The following TCTN1 variants were observed in gnomAD, a reference collection of about 807,000 sequenced individuals.
TCTN1 encodes tectonic-1.
In TCTN1, 58 loss-of-function variants were observed where a neutral mutation model predicts 65.8. The ratio of observed to expected loss-of-function variants is 0.88; its 90% CI spans 0.71 to 1.10. The LOEUF (loss-of-function observed/expected upper bound fraction) is 1.10, where lower values mean the gene tolerates loss of function less well. TCTN1 is among the 50% of genes least tolerant of loss of function. TCTN1 has a pLI of 0.00. For missense variants in TCTN1, 645 were observed against 719.4 expected, an observed-to-expected ratio of 0.90 and a Z score of 1.18; for synonymous variants, 273 against 289.1, an observed-to-expected ratio of 0.94 and a Z score of 0.57.
At chr12:110,643,229 A>C (rs954535709) in intron 11 of TCTN1, 1 of 152,084 alleles carries the variant, frequency 6.6e-6, no homozygotes, top group Admixed American at 6.6e-5. Context: ...AAGGTTGTTT[A>C]GCATTTGAGT....
intron 6 of TCTN1, chr12:110,636,112 C>A: frequency 4.4e-6 from 1 of 225,494 alleles, no homozygotes; most frequent in South Asian, 6.4e-5. Flanking sequence ...TGGTGGCCTT[C>A]CAGCAAGGAC....
chr12:110,619,655 C>G (rs758496759), intron 1 of TCTN1, among the ~76,000 whole-genome samples, 181 bp from the exon 2 acceptor site: 4 of 152,180 alleles, frequency 2.6e-5, no homozygotes, highest in Non-Finnish European at 5.9e-5. Context: ...TTTGGGGAAA[C>G]CTCTGATTGT....
In TCTN1 at chr12:110,645,003, G is replaced by T; in HGVS notation, c.1368G>T (p.Gln456His). The change falls in exon 12 of 15, where the codon CAG becomes CAT. Residue 456 changes from glutamine (Q) to histidine (H), a missense_variant. Coordinates refer to ENST00000397659, the MANE Select transcript of TCTN1 (RefSeq NM_001082538.3). ...CTCTCCCGTGTCAGCTCGTAGCACA[G>T]AAGGTGAAGAGCCTGCTGTGGGGCC... Reference protein sequence around the residue: ...TGALPCQLVAQKVKSLLWGQG... With the variant: ...TGALPCQLVAHKVKSLLWGQG... The T allele has an allele frequency of 6.2e-7, 1 of 1,614,256 alleles. No homozygotes were observed. Among genetic ancestry groups the T allele is most frequent in the Non-Finnish European group, 8.5e-7 (1 of 1,180,056 alleles).
chr12:110,641,054 G>C lies in TCTN1; in HGVS notation c.1009G>C (p.Gly337Arg), dbSNP rs2136130583. ...GTACAGCCTCACATACACAGATGCAGGTGAAGTCACCAAAGCTGATCTCTC... is the reference window on the plus strand; with the variant it reads ...GTACAGCCTCACATACACAGATGCACGTGAAGTCACCAAAGCTGATCTCTC... ...VKYSLTYTDA[G>R]EVTKADLSFV... Residue 337 changes from glycine (G) to arginine (R), a missense_variant, in exon 9 of 15, where the codon GGT becomes CGT. Physicochemically the swap from Gly to Arg is moderately radical, Grantham distance 125. Transcript: ENST00000397659. The C allele has an allele frequency of 1.2e-6, 2 of 1,614,238 alleles. No homozygotes were observed. The highest frequency in any genetic ancestry group is 3.3e-5 in the Admixed American group (2 of 60,030).
At chr12:110,626,181 T>TG in intron 2 of TCTN1, among the ~76,000 whole-genome samples, 181 bp from the exon 3 acceptor site, 1 of 151,338 alleles carries the variant, frequency 6.6e-6, no homozygotes, top group Non-Finnish European at 1.5e-5. Context: ...CTCTGCCTCC[T>TG]GGGTTCATGC....
intron 3 of TCTN1, chr12:110,628,138 TC>T (rs2065977683): frequency 6.5e-7 from 1 of 1,536,056 alleles, no homozygotes; most frequent in Non-Finnish European, 8.7e-7. Flanking sequence ...AGAGAGCTTC[TC>T]CTTACAGGTT....
Position 110,614,383 on chromosome 12 carries a change from G to A in TCTN1, c.201G>A (p.Arg67=). 2 of 1,601,618 alleles carry A rather than the reference G, an allele frequency of 1.2e-6. No homozygotes were observed. Among genetic ancestry groups the A allele is most frequent in the African/African-American group, 1.3e-5 (1 of 74,910 alleles). Residue 67 remains arginine (R), a synonymous_variant, in exon 1 of 15, where the codon AGG becomes AGA. Transcript: ENST00000397659. ...CTCCAGGGCCCTCCTCCGGCCCCAG[G>A]CCTACCCCAGTCACGGACGGTGGGT... The part of the protein sequence containing the change: ...PRAPGPSSGP[R]PTPVTDVAVL...
chr12:110,624,402 A>G (rs1392157471), intron 2 of TCTN1, among the ~76,000 whole-genome samples: 1 of 148,602 alleles, frequency 6.7e-6, no homozygotes, highest in East Asian at 2.0e-4. Context: ...TTTTTTGTAG[A>G]GATAGGGGTC....
At chr12:110,617,782 G>T (rs538352710) in intron 1 of TCTN1, among the ~76,000 whole-genome samples, 1 of 149,534 alleles carries the variant, frequency 6.7e-6, no homozygotes, top group Non-Finnish European at 1.5e-5. Context: ...CTGGGACTAC[G>T]GGTGTGTGCC....
intron 3 of TCTN1, chr12:110,628,225 G>T: frequency 6.5e-7 from 1 of 1,535,642 alleles, no homozygotes. Flanking sequence ...CTGTTTACTT[G>T]TAAGTGCTAC....
In TCTN1 at chr12:110,644,505, G is replaced by A. The variant is rs530099703; in HGVS notation, c.1332-462G>A. 93 of 227,370 alleles carry A rather than the reference G, an allele frequency of 4.1e-4. No individual in the cohort carries two copies. The highest frequency in any genetic ancestry group is 2.1e-3 in the African/African-American group (89 of 42,548). The allele number at this position is 227,370 out of a possible 1,614,324, so 14.1% of individuals were successfully genotyped here. A position where few individuals can be genotyped will look rare whatever the true frequency, so the allele number is the denominator to read the frequency against. On this transcript the variant is annotated intron_variant, in intron 11 of 14. Coordinates refer to ENST00000397659, the MANE Select transcript of TCTN1 (RefSeq NM_001082538.3). The surrounding 1 kb of genome is among the most constrained non-coding windows in gnomAD (Gnocchi z 4.6). ...AGCCTGGCCAACATGGTGAAACCCC[G>A]TCTCTACTAAAAATACAAAAAAATT... is the stretch of plus-strand genomic sequence containing the variant.
rs2066899906 is a variant in TCTN1, at chr12:110,640,723, A to C, written c.978+206A>C. On this transcript the variant is annotated intron_variant, in intron 8 of 14. Coordinates refer to ENST00000397659, the MANE Select transcript of TCTN1 (RefSeq NM_001082538.3). The surrounding 1 kb of genome is among the most constrained non-coding windows in gnomAD (Gnocchi z 4.9). Reference sequence around the variant, plus strand: ...CTTAGTGACTTGCCGGAATACATCAAAATATTTTTGTTGTTGCTGTTTTTG... The same window carrying C: ...CTTAGTGACTTGCCGGAATACATCACAATATTTTTGTTGTTGCTGTTTTTG... 6.6e-6 allele frequency among the ~76,000 whole-genome samples: 1 copy of C among 152,142 alleles called. No homozygotes were observed. Among genetic ancestry groups the C allele is most frequent in the African/African-American group, 2.4e-5 (1 of 41,422 alleles).
chr12:110,648,776 G>A (rs1482764956), intron 14 of TCTN1: 2 of 299,206 alleles, frequency 6.7e-6, no homozygotes, highest in Non-Finnish European at 1.3e-5. Context: ...TACAGTAGGA[G>A]GGTCCAGGGA....
intron 5 of TCTN1, 186 bp from the exon 6 acceptor site, chr12:110,634,484 C>G (rs2066429429): frequency 4.9e-6 from 3 of 609,406 alleles, no homozygotes; most frequent in Non-Finnish European, 8.9e-6. Flanking sequence ...TGAGACCAGT[C>G]TGGGCAACAC....
rs1260904539 is a variant in TCTN1, at chr12:110,641,108, G to A, written c.1063G>A (p.Val355Met). The change falls in exon 9 of 15, where the codon GTG becomes ATG. Residue 355 changes from valine (V) to methionine (M), a missense_variant. By Grantham distance (21) the Val-to-Met change is conservative. Transcript: ENST00000397659. Reference sequence around the variant, plus strand: ...CGTTCTGGGGACAGTTAGCAGCGTAGTGGTCCCACTGCAGCAAAAGTTTGA... The same window carrying A: ...CGTTCTGGGGACAGTTAGCAGCGTAATGGTCCCACTGCAGCAAAAGTTTGA... ...SFVLGTVSSVVVPLQQKFEIH... is the reference protein window; with the variant it reads ...SFVLGTVSSVMVPLQQKFEIH... 1 of 1,614,278 alleles carries A rather than the reference G, an allele frequency of 6.2e-7. No homozygotes were observed. Among genetic ancestry groups the A allele is most frequent in the East Asian group, 2.2e-5 (1 of 44,896 alleles).
At chr12:110,625,289 C>G (rs755627554) in intron 2 of TCTN1, among the ~76,000 whole-genome samples, 2 of 152,114 alleles carry the variant, frequency 1.3e-5, no homozygotes, top group African/African-American at 2.4e-5. Context: ...AAATGCCAAG[C>G]TTTTTCTTTT....
In TCTN1 at chr12:110,632,758, C is replaced by G. The variant is rs561818415; in HGVS notation, c.712+199C>G. On this transcript the variant is annotated intron_variant, in intron 5 of 14. Coordinates refer to ENST00000397659, the MANE Select transcript of TCTN1 (RefSeq NM_001082538.3). ...AACAGAATCTTCGGGTTAAAAGAGG[C>G]CTCAAAGGTCACGTAGTTCAATTTC... 3.3e-5 allele frequency among the ~76,000 whole-genome samples: 5 copies of G among 152,206 alleles called. No individual in the cohort carries two copies. In the South Asian group the frequency reaches 1.0e-3, roughly 32 times the overall value.
intron 3 of TCTN1, among the ~76,000 whole-genome samples, chr12:110,627,033 A>G (rs1182520644): frequency 2.0e-5 from 3 of 150,238 alleles, no homozygotes; most frequent in African/African-American, 4.9e-5. Flanking sequence ...TGGCCTCCCA[A>G]CGTGCTGGGA....
At chr12:110,616,258 T>G (rs12231526) in intron 1 of TCTN1, 3 of 440,708 alleles carry the variant, frequency 6.8e-6, no homozygotes, top group African/African-American at 4.0e-5. Context: ...CACTTTATTT[T>G]TTTTTTTTTT....
Sources: gnomAD v4.1 joint callset for allele counts (sites outside exome capture counted in the v4.1 genomes callset) on GRCh38, gnomAD v4.1.1 for gene constraint, Gnocchi (gnomAD v3.1) non-coding constraint, MANE v1.5 for transcripts, NCBI Gene and HGNC (gene_info 2026-07-23, HGNC 2026-07-21) for gene names.